Variants in TFDP2 observed in about 807,000 individuals in gnomAD.
TFDP2 encodes the protein transcription factor Dp-2.
TFDP2 carries 17 observed loss-of-function variants against 59.3 expected under a neutral mutation model. The ratio of observed to expected loss-of-function variants is 0.29; its 90% CI spans 0.20 to 0.43. The LOEUF (loss-of-function observed/expected upper bound fraction) is 0.43. Ranked by LOEUF, TFDP2 falls within the 20% of genes least tolerant of loss-of-function variation. The probability of loss-of-function intolerance (pLI) is 1.00; values close to 1 mark genes in which losing one functional copy is unlikely to be tolerated. For synonymous variants in TFDP2, 180 were observed against 194.7 expected (o/e 0.92, Z 0.63); for missense variants, 391 against 528.8 (o/e 0.74, Z 2.56).
intron 3 of TFDP2, among the ~76,000 whole-genome samples, chr3:142,058,019 C>T (rs1271951410): frequency 1.3e-5 from 2 of 152,160 alleles, no homozygotes; most frequent in South Asian, 2.1e-4. Flanking sequence ...AAAATAGTCA[C>T]AATTATCTTA....
chr3:142,014,207 T>C (rs376935749), intron 3 of TFDP2, among the ~76,000 whole-genome samples: 96 of 152,346 alleles, frequency 6.3e-4, no homozygotes, highest in African/African-American at 2.3e-3. Context: ...GCAGTGGCAC[T>C]ATCACAGCTC....
intron 3 of TFDP2, among the ~76,000 whole-genome samples, chr3:142,025,836 T>C (rs1946040223): frequency 1.3e-5 from 2 of 152,150 alleles, no homozygotes; most frequent in South Asian, 4.1e-4. Context: ...TGTGGGCGCA[T>C]GCCTGTAATC....
At chr3:142,091,330 A>G (rs2060990983) in intron 3 of TFDP2, among the ~76,000 whole-genome samples, 2 of 152,120 alleles carry the variant, frequency 1.3e-5, no homozygotes, top group Admixed American at 6.6e-5. Flanking sequence ...GACTATTACT[A>G]TTATTAAGCT....
At chr3:141,982,082 G>C (rs1373526051) in intron 6 of TFDP2, among the ~76,000 whole-genome samples, 1 of 152,116 alleles carries the variant, frequency 6.6e-6, no homozygotes, top group Non-Finnish European at 1.5e-5. Flanking sequence ...TGAAATGTGG[G>C]AAGTGTGAAT....
At chr3:141,963,469 T>C (rs886463983) in intron 10 of TFDP2, among the ~76,000 whole-genome samples, 1 of 152,188 alleles carries the variant, frequency 6.6e-6, no homozygotes, top group Non-Finnish European at 1.5e-5. Flanking sequence ...CACCAATGAA[T>C]CTACCTTGTC....
At chr3:142,044,522 C>T (rs540534603) in intron 3 of TFDP2, among the ~76,000 whole-genome samples, 28 of 152,202 alleles carry the variant, frequency 1.8e-4, no homozygotes, top group African/African-American at 6.7e-4. Flanking sequence ...GTGTGAGCTG[C>T]CACACCCGGC....
chr3:142,140,692 G>GATACCC (rs1444235814), intron 1 of TFDP2, among the ~76,000 whole-genome samples: 1 of 152,236 alleles, frequency 6.6e-6, no homozygotes, highest in Non-Finnish European at 1.5e-5. Context: ...ATCAGCAGCA[G>GATACCC]AGGCTGCAGA....
chr3:141,972,452 AG>A (rs1358151689), intron 8 of TFDP2, among the ~76,000 whole-genome samples: 1 of 152,200 alleles, frequency 6.6e-6, no homozygotes, highest in Non-Finnish European at 1.5e-5. Flanking sequence ...CTTTGTTTAC[AG>A]GATCAGGTCT....
rs565521431 is a variant in TFDP2, at chr3:142,040,678, C to A, written c.83-35134G>T. Among the ~76,000 whole-genome samples, 11 of 152,296 alleles carry A rather than the reference C, an allele frequency of 7.2e-5. No homozygotes were observed. In the East Asian group the frequency reaches 1.9e-3, roughly 27 times the overall value. ...CTCCCGACCTCAGGTGATCTGCCCACCGTGGCCTCCCAAAATGTTGGGATT... is the reference window on the plus strand; with the variant it reads ...CTCCCGACCTCAGGTGATCTGCCCAACGTGGCCTCCCAAAATGTTGGGATT... On this transcript the variant is annotated intron_variant, in intron 3 of 12. Transcript: ENST00000489671.
At chr3:142,087,103 A>G (rs1022546838) in intron 3 of TFDP2, among the ~76,000 whole-genome samples, 1 of 152,224 alleles carries the variant, frequency 6.6e-6, no homozygotes, top group Non-Finnish European at 1.5e-5. Flanking sequence ...ATGATATGAC[A>G]AATGATTCTC....
rs965860400 is a variant in TFDP2 at position 142,071,995 on chromosome 3, A to G, written c.82+21066T>C. On this transcript the variant is annotated intron_variant, in intron 3 of 12. Transcript: ENST00000489671. ...TACATAACAGATGACAACTAAAGCT[A>G]TAAGAATAGGTGAAATCACCTGGGG... is the stretch of plus-strand genomic sequence containing the variant. Among the ~76,000 whole-genome samples the G allele has an allele frequency of 3.3e-5, 5 of 152,314 alleles. No homozygotes were observed. In the East Asian group the frequency reaches 7.7e-4, roughly 23 times the overall value.
chr3:141,993,885 C>T (rs543824068), intron 5 of TFDP2, among the ~76,000 whole-genome samples: 2 of 152,332 alleles, frequency 1.3e-5, no homozygotes, highest in South Asian at 4.1e-4. Flanking sequence ...ACTATAAAAA[C>T]ACCAGACAAT....
At chr3:142,104,906 A>G (rs1461542736) in intron 1 of TFDP2, among the ~76,000 whole-genome samples, 1 of 152,186 alleles carries the variant, frequency 6.6e-6, no homozygotes, top group African/African-American at 2.4e-5. Flanking sequence ...GTCAGCATCT[A>G]ATAAATAAAG....
rs1356021033 is a variant in TFDP2 at position 141,949,309 on chromosome 3, G to A, written c.*3204C>T. On this transcript the variant is annotated 3_prime_UTR_variant, in exon 13 of 13. Coordinates refer to ENST00000489671, the MANE Select transcript of TFDP2 (RefSeq NM_001178139.2). ...TTAAATTGAAGGACGCCAAACTTGT[G>A]GCCATTGTCTGTAGTTTCTCGGGCG... The A allele has an allele frequency of 6.6e-6, 1 of 152,112 alleles. No homozygotes were observed. Among genetic ancestry groups the A allele is most frequent in the Non-Finnish European group, 1.5e-5 (1 of 68,040 alleles). 9.4% of individuals were successfully genotyped at this position (152,112 alleles called of 1,614,324 possible).
chr3:141,992,814 G>A (rs1942914265), intron 6 of TFDP2, among the ~76,000 whole-genome samples: 1 of 152,084 alleles, frequency 6.6e-6, no homozygotes, highest in Non-Finnish European at 1.5e-5. Flanking sequence ...AACATATTTG[G>A]CCATCTAATT....
rs915000551 is a variant in TFDP2, at chr3:141,965,857, A to G, written c.733-1894T>C. 3.3e-5 allele frequency among the ~76,000 whole-genome samples: 5 copies of G among 152,016 alleles called. 1 individual carries two copies. Among genetic ancestry groups the G allele is most frequent in the African/African-American group, 1.2e-4 (5 of 41,272 alleles). ...TTGCTAAAAAACGAATTCATTGCTT[A>G]ATTCCTTTAATAATGAGGAAAAATT... is the stretch of plus-strand genomic sequence containing the variant. On this transcript the variant is annotated intron_variant, in intron 9 of 12. Coordinates refer to ENST00000489671, the MANE Select transcript of TFDP2 (RefSeq NM_001178139.2).
chr3:142,135,397 TTC>T (rs1247349618), intron 1 of TFDP2, among the ~76,000 whole-genome samples: 4 of 152,244 alleles, frequency 2.6e-5, no homozygotes, highest in Admixed American at 1.3e-4. Context: ...TATGTTTAAT[TTC>T]TTTTTTCTTT....
At chr3:142,026,459 T>C (rs1236117616) in intron 3 of TFDP2, among the ~76,000 whole-genome samples, 1 of 152,246 alleles carries the variant, frequency 6.6e-6, no homozygotes, top group East Asian at 1.9e-4. Flanking sequence ...GCCAATTATT[T>C]AGAAAACTGT....
At chr3:142,139,831 G>C (rs1318745134) in intron 1 of TFDP2, among the ~76,000 whole-genome samples, 1 of 152,132 alleles carries the variant, frequency 6.6e-6, no homozygotes, top group Non-Finnish European at 1.5e-5. Flanking sequence ...TGGTGAATCT[G>C]ACAGTTATGT....
Sources: gnomAD v4.1 joint callset for allele counts (sites outside exome capture counted in the v4.1 genomes callset) on GRCh38, gnomAD v4.1.1 for gene constraint, MANE v1.5 for transcripts, NCBI Gene and HGNC (gene_info 2026-07-23, HGNC 2026-07-21) for gene names.